Variants in MLLT3 observed in about 807,000 individuals in gnomAD.
MLLT3 encodes MLLT3 super elongation complex subunit.
Under a neutral mutation model 53.2 loss-of-function variants are expected in MLLT3, and 4 were observed. The observed-to-expected ratio is 0.08, with a 90% CI of 0.04 to 0.17. The LOEUF is 0.17. Among genes scored for constraint, MLLT3 ranks in the 10% least tolerant of loss-of-function variants. The probability of loss-of-function intolerance (pLI) is 1.00; values close to 1 mark genes in which losing one functional copy is unlikely to be tolerated. For synonymous variants in MLLT3, 283 were observed against 230.6 expected (o/e 1.23, Z -2.06); for missense variants, 569 against 684.0 (o/e 0.83, Z 1.87).
chr9:20,463,634 T>C (rs1011638665), intron 2 of MLLT3, among the ~76,000 whole-genome samples: 2 of 152,206 alleles, frequency 1.3e-5, no homozygotes, highest in African/African-American at 2.4e-5. Context: ...CAGAATTGTT[T>C]CAAATGATTA....
chr9:20,564,424 G>GT (rs1233774652), intron 2 of MLLT3, among the ~76,000 whole-genome samples: 1 of 152,138 alleles, frequency 6.6e-6, no homozygotes, highest in Non-Finnish European at 1.5e-5. Context: ...ACTCCTGTAT[G>GT]TTTTTAAGTG....
At chr9:20,479,890 T>A (rs1563778518) in intron 2 of MLLT3, among the ~76,000 whole-genome samples, 1 of 152,180 alleles carries the variant, frequency 6.6e-6, no homozygotes, top group Non-Finnish European at 1.5e-5. Flanking sequence ...AATGCCATGG[T>A]ATATGTGATA....
At chr9:20,483,129 A>T (rs1824707232) in intron 2 of MLLT3, among the ~76,000 whole-genome samples, 1 of 152,214 alleles carries the variant, frequency 6.6e-6, no homozygotes, top group South Asian at 2.1e-4. Flanking sequence ...GACTCTTAAA[A>T]GCTAACTAGA....
At chr9:20,506,300 C>T (rs368172677) in intron 2 of MLLT3, among the ~76,000 whole-genome samples, 85 of 152,256 alleles carry the variant, frequency 5.6e-4, no homozygotes, top group African/African-American at 2.0e-3. Flanking sequence ...CTCAGCCTCC[C>T]GAAGTGCTGG....
At position 20,557,806 on chromosome 9, in the gene MLLT3, G is replaced by A. The variant is rs568732675; in HGVS notation, c.193+62848C>T. Among the ~76,000 whole-genome samples the A allele has an allele frequency of 7.9e-5, 12 of 152,254 alleles. No individual in the cohort carries two copies. The East Asian group carries it at 2.1e-3, about 27-fold the overall frequency. ...GTTTCAGAAACAGAAAAATCTAGTG[G>A]CAAAAAGTACCGGGAGAGGGCAAGT... On this transcript the variant is annotated intron_variant, in intron 2 of 10. Transcript: ENST00000380338.
rs1821023990 is a variant in MLLT3, at chr9:20,621,891, C to T, written c.12+354G>A. 1 of 1,364,736 alleles carries T rather than the reference C, an allele frequency of 7.3e-7. No individual in the cohort carries two copies. The highest frequency in any genetic ancestry group is 9.4e-7 in the Non-Finnish European group (1 of 1,067,068). The allele number at this position is 1,364,736 out of a possible 1,614,324, so 84.5% of individuals were successfully genotyped here. A position where few individuals can be genotyped will look rare whatever the true frequency, so the allele number is the denominator to read the frequency against. ...TGAAATATGGCTGAGTTATTATTCG[C>T]CTCCTTCCACCGTGTGTGTGTGTGT... On this transcript the variant is annotated intron_variant, in intron 1 of 10. Coordinates refer to ENST00000380338, the MANE Select transcript of MLLT3 (RefSeq NM_004529.4). This position sits in a 1 kb window ranked among gnomAD's most constrained non-coding sequence, Gnocchi z 7.0.
intron 6 of MLLT3, 150 bp from the exon 7 acceptor site, chr9:20,363,755 A>G: frequency 1.5e-6 from 1 of 655,754 alleles, no homozygotes; most frequent in East Asian, 3.4e-5. Flanking sequence ...AATTTGGTAT[A>G]GTTTCTAAAA....
intron 8 of MLLT3, among the ~76,000 whole-genome samples, chr9:20,356,064 C>A (rs889488555): frequency 2.0e-5 from 3 of 152,138 alleles, no homozygotes; most frequent in African/African-American, 7.2e-5. Flanking sequence ...CAAGATAAGA[C>A]CCAGATTCCC....
intron 2 of MLLT3, among the ~76,000 whole-genome samples, chr9:20,538,664 T>A (rs887226905): frequency 1.3e-5 from 2 of 152,208 alleles, no homozygotes; most frequent in African/African-American, 2.4e-5. Flanking sequence ...TGCAAAAATT[T>A]ATAAACTATA....
At chr9:20,455,596 T>A (rs571118110) in intron 3 of MLLT3, among the ~76,000 whole-genome samples, 1 of 152,274 alleles carries the variant, frequency 6.6e-6, no homozygotes, top group African/African-American at 2.4e-5. Flanking sequence ...TGAGCACTGG[T>A]TTGGATAACA....
chr9:20,482,546 T>A (rs1824690067), intron 2 of MLLT3, among the ~76,000 whole-genome samples: 1 of 152,226 alleles, frequency 6.6e-6, no homozygotes, highest in African/African-American at 2.4e-5. Context: ...AAACTAGATT[T>A]TCAATTTTGT....
intron 5 of MLLT3, among the ~76,000 whole-genome samples, chr9:20,404,050 G>A (rs985257074): frequency 6.6e-6 from 1 of 152,058 alleles, no homozygotes; most frequent in Middle Eastern, 3.2e-3. Context: ...TGAACTCCTA[G>A]ACTCAAGTTA....
rs1167895469 is a variant in MLLT3 at position 20,448,062 on chromosome 9, T to A, written c.420+61A>T. ...ACACATGAGGAACTAGTTTGTTTGT[T>A]TTTTTTTTTGTTGTTGTTGTTTTTT... On this transcript the variant is annotated intron_variant, in intron 4 of 10. Coordinates refer to ENST00000380338, the MANE Select transcript of MLLT3 (RefSeq NM_004529.4). The surrounding 1 kb of genome is among the most constrained non-coding windows in gnomAD (Gnocchi z 4.0). 6.7e-7 allele frequency: 1 copy of A among 1,482,334 alleles called. No homozygotes were observed. Among genetic ancestry groups the A allele is most frequent in the Non-Finnish European group, 8.9e-7 (1 of 1,121,090 alleles). 91.8% of individuals were successfully genotyped at this position (1,482,334 alleles called of 1,614,324 possible).
intron 2 of MLLT3, among the ~76,000 whole-genome samples, chr9:20,491,365 G>A (rs1280453875): frequency 6.6e-6 from 1 of 151,810 alleles, no homozygotes; most frequent in Non-Finnish European, 1.5e-5. Flanking sequence ...GAAAAATGAG[G>A]AACTATATAC....
intron 4 of MLLT3, among the ~76,000 whole-genome samples, chr9:20,442,293 G>A (rs1251546597): frequency 6.6e-6 from 1 of 152,060 alleles, no homozygotes; most frequent in Non-Finnish European, 1.5e-5. Context: ...TAACCTCTTT[G>A]GCAGGAAATG....
intron 2 of MLLT3, among the ~76,000 whole-genome samples, chr9:20,573,289 C>T (rs533266953): frequency 1.3e-5 from 2 of 151,946 alleles, no homozygotes; most frequent in South Asian, 4.1e-4. Context: ...AAGTGATCCT[C>T]CTGCCTCGGC....
At chr9:20,523,199 A>T (rs1013227972) in intron 2 of MLLT3, among the ~76,000 whole-genome samples, 1 of 152,214 alleles carries the variant, frequency 6.6e-6, no homozygotes, top group Non-Finnish European at 1.5e-5. Context: ...GAATAGCCAA[A>T]TTCCAGAATG....
chr9:20,553,203 C>G (rs1563814398), intron 2 of MLLT3, among the ~76,000 whole-genome samples: 1 of 152,064 alleles, frequency 6.6e-6, no homozygotes, highest in Non-Finnish European at 1.5e-5. Flanking sequence ...TAAAACAAAA[C>G]AAAAAAGCCC....
At chr9:20,401,541 G>C (rs989104084) in intron 5 of MLLT3, among the ~76,000 whole-genome samples, 1 of 152,140 alleles carries the variant, frequency 6.6e-6, no homozygotes, top group Non-Finnish European at 1.5e-5. Flanking sequence ...TCCTGTCTTT[G>C]TGTTCCTCCA....
Sources: allele counts gnomAD v4.1 joint callset (sites outside exome capture counted in the v4.1 genomes callset), GRCh38; gene constraint gnomAD v4.1.1; non-coding constraint Gnocchi (gnomAD v3.1); transcripts MANE v1.5; gene names NCBI Gene and HGNC (gene_info 2026-07-23, HGNC 2026-07-21).